The following CCDC186 variants were observed in gnomAD, a reference collection of about 807,000 sequenced individuals.
CCDC186 encodes the protein coiled-coil domain-containing protein 186.
CCDC186 carries 49 observed loss-of-function variants against 113.7 expected under a neutral mutation model. The ratio of observed to expected loss-of-function variants is 0.43; its 90% CI spans 0.34 to 0.55. The LOEUF (loss-of-function observed/expected upper bound fraction) is 0.55, where lower values mean the gene tolerates loss of function less well. Ranked by LOEUF, CCDC186 falls within the 20% of genes least tolerant of loss-of-function variation. The pLI, the probability that CCDC186 is intolerant of heterozygous loss-of-function variation, is 0.02. For missense variants in CCDC186, 890 were observed against 1,011.1 expected (o/e 0.88, Z 1.62); for synonymous variants, 355 against 345.8 (o/e 1.03, Z -0.30).
Position 114,125,047 on chromosome 10 carries a change from G to T in CCDC186, c.*96C>A. 1 of 847,178 alleles carries T rather than the reference G, an allele frequency of 1.2e-6. No homozygotes were observed. The highest frequency in any genetic ancestry group is 1.8e-6 in the Non-Finnish European group (1 of 551,128). 52.5% of individuals were successfully genotyped at this position (847,178 alleles called of 1,614,324 possible). ...ATGAAGCAAAACAATATTTTTACTG[G>T]CTGAAACAAAAAGTGGAACAAAGTC... On this transcript the variant is annotated 3_prime_UTR_variant, in exon 16 of 16. Coordinates refer to ENST00000369287, the MANE Select transcript of CCDC186 (RefSeq NM_018017.4).
chr10:114,135,864 T>C, intron 9 of CCDC186, 27 bp downstream of exon 9: 1 of 1,520,270 alleles, frequency 6.6e-7, no homozygotes, highest in Non-Finnish European at 9.1e-7. Context: ...ACCCTTCCTC[T>C]GGATTCATGA....
intron 10 of CCDC186, among the ~76,000 whole-genome samples, chr10:114,134,174 C>G (rs1209187955): frequency 6.6e-6 from 1 of 152,178 alleles, no homozygotes; most frequent in Admixed American, 6.5e-5. Context: ...CAACTGTCAC[C>G]TGACAGCTCC....
At position 114,145,576 on chromosome 10, in the gene CCDC186, T is replaced by A. The variant is rs1006840295; in HGVS notation, c.1074A>T (p.Gly358=). 6.2e-7 allele frequency: 1 copy of A among 1,611,006 alleles called. No individual in the cohort carries two copies. The highest frequency in any genetic ancestry group is 1.7e-5 in the Admixed American group (1 of 59,620). Reference sequence around the variant, plus strand: ...TAGTTTCATACAGCTGGTGCAACCGTCCTTTCTCCTGAGAAAGCTGCTTAA... The same window carrying A: ...TAGTTTCATACAGCTGGTGCAACCGACCTTTCTCCTGAGAAAGCTGCTTAA... ...NKIKQLSQEK[G]RLHQLYETKE... is the part of the protein sequence containing the mutation. Residue 358 remains glycine (G), a synonymous_variant, in exon 5 of 16, where the codon GGA becomes GGT. Coordinates refer to ENST00000369287, the MANE Select transcript of CCDC186 (RefSeq NM_018017.4).
At chr10:114,150,974 G>A in intron 4 of CCDC186, 118 bp downstream of exon 4, 2 of 1,188,944 alleles carry the variant, frequency 1.7e-6, no homozygotes. Context: ...TTATATAAAA[G>A]AATCACCTAG....
At chr10:114,165,847 C>G in intron 1 of CCDC186, 3 of 241,684 alleles carry the variant, frequency 1.2e-5, no homozygotes, top group Non-Finnish European at 1.4e-5. Context: ...GACACTTTGT[C>G]TCAAAAAAAA....
chr10:114,161,528 G>C (rs1435019252), intron 2 of CCDC186: 3 of 152,014 alleles, frequency 2.0e-5, no homozygotes, highest in South Asian at 2.1e-4. Flanking sequence ...TCAAGAGGAA[G>C]GTCTAAAAGA....
In CCDC186 at chr10:114,174,139, C is replaced by T; in HGVS notation, c.-186G>A. The T allele has an allele frequency of 2.1e-6, 1 of 471,478 alleles. No individual in the cohort carries two copies. Among genetic ancestry groups the T allele is most frequent in the South Asian group, 1.6e-5 (1 of 64,490 alleles). 29.2% of individuals were successfully genotyped at this position (471,478 alleles called of 1,614,324 possible). A position where few individuals can be genotyped will look rare whatever the true frequency, so the allele number is the denominator to read the frequency against. The stretch of plus-strand genomic sequence containing the variant: ...GAGGAAAAGACCGCGGTGAGAAACA[C>T]AGCCGACGCCTCACTCAGCGGCCGT... On this transcript the variant is annotated 5_prime_UTR_variant, in exon 1 of 16. The change creates a new upstream start codon in the 5' untranslated region. Coordinates refer to ENST00000369287, the MANE Select transcript of CCDC186 (RefSeq NM_018017.4).
In CCDC186 at chr10:114,122,955, A is replaced by C. The variant is rs1053576819; in HGVS notation, c.*2188T>G. The C allele has an allele frequency of 1.3e-5, 2 of 152,132 alleles. No homozygotes were observed. Among genetic ancestry groups the C allele is most frequent in the East Asian group, 3.8e-4 (2 of 5,196 alleles). The allele number at this position is 152,132 out of a possible 1,614,324, so 9.4% of individuals were successfully genotyped here. The stretch of plus-strand genomic sequence containing the variant: ...ATGGTAGCACAAATATTAATACTGG[A>C]GTGTGCATTTTTGTCTAAAATGTAT... On this transcript the variant is annotated 3_prime_UTR_variant, in exon 16 of 16. Transcript: ENST00000369287.
At chr10:114,173,324 A>T in intron 1 of CCDC186, 1 of 422,692 alleles carries the variant, frequency 2.4e-6, no homozygotes, top group Non-Finnish European at 4.8e-6. Flanking sequence ...ACAGCTAAGC[A>T]ATACTCACAC....
intron 12 of CCDC186, 27 bp downstream of exon 12, chr10:114,131,120 T>C (rs1589608738): frequency 7.2e-7 from 1 of 1,387,628 alleles, no homozygotes; most frequent in Non-Finnish European, 9.4e-7. Context: ...AACACATTCA[T>C]GGTCTAAGTG....
At chr10:114,139,355 G>C (rs1207068668) in intron 6 of CCDC186, among the ~76,000 whole-genome samples, 2 of 151,952 alleles carry the variant, frequency 1.3e-5, no homozygotes, top group African/African-American at 4.8e-5. Context: ...CTGAGGTCAG[G>C]AGTTGAAGAC....
intron 2 of CCDC186, among the ~76,000 whole-genome samples, chr10:114,159,831 G>A (rs1197092570): frequency 2.0e-5 from 3 of 151,898 alleles, no homozygotes; most frequent in Non-Finnish European, 4.4e-5. Context: ...GCCTAGTGGT[G>A]CGCACCTGTT....
At chr10:114,128,316 T>A (rs2030978883) in intron 13 of CCDC186, among the ~76,000 whole-genome samples, 1 of 152,232 alleles carries the variant, frequency 6.6e-6, no homozygotes, top group African/African-American at 2.4e-5. Context: ...GATTAGTTTT[T>A]TCCAATCCGA....
chr10:114,151,676 T>C (rs1021723944), intron 3 of CCDC186, among the ~76,000 whole-genome samples: 2 of 152,240 alleles, frequency 1.3e-5, no homozygotes, highest in African/African-American at 4.8e-5. Context: ...ATGTCTGCAT[T>C]GTACACACTA....
intron 4 of CCDC186, among the ~76,000 whole-genome samples, chr10:114,147,616 A>T (rs2031685330): frequency 6.6e-6 from 1 of 152,202 alleles, no homozygotes; most frequent in Non-Finnish European, 1.5e-5. Flanking sequence ...GGTATAGATT[A>T]GATCCTCAAA....
chr10:114,139,074 C>T lies in CCDC186; in HGVS notation c.1222-1784G>A, dbSNP rs192073087. On this transcript the variant is annotated intron_variant, in intron 6 of 15. Coordinates refer to ENST00000369287, the MANE Select transcript of CCDC186 (RefSeq NM_018017.4). The stretch of plus-strand genomic sequence containing the variant: ...AATACAGCATATAGCTTCTCGATAG[C>T]GACTAACTCAATACTTGCCACATAT... Among the ~76,000 whole-genome samples, 17 of 152,282 alleles carry T rather than the reference C, an allele frequency of 1.1e-4. 2 individuals are homozygous for T. Among genetic ancestry groups the T allele is most frequent in the South Asian group, 1.0e-3 (5 of 4,826 alleles).
chr10:114,162,414 C>A lies in CCDC186; in HGVS notation c.632+223G>T, dbSNP rs373104707. 1.5e-3 allele frequency: 483 copies of A among 332,878 alleles called. 1 individual carries two copies. Among genetic ancestry groups the A allele is most frequent in the Middle Eastern group, 0.011 (13 of 1,226 alleles). 20.6% of individuals were successfully genotyped at this position (332,878 alleles called of 1,614,324 possible). ...GAGTTGTCTATAAAAATTTCTAGCA[C>A]GTTAATACATTTACACTATTTAACA... On this transcript the variant is annotated intron_variant, in intron 2 of 15. Coordinates refer to ENST00000369287, the MANE Select transcript of CCDC186 (RefSeq NM_018017.4).
intron 1 of CCDC186, chr10:114,165,963 A>C: frequency 1.0e-6 from 1 of 983,346 alleles, no homozygotes; most frequent in Non-Finnish European, 1.2e-6. Flanking sequence ...TGAGTTTGTG[A>C]CTTCATTTTT....
intron 2 of CCDC186, among the ~76,000 whole-genome samples, chr10:114,159,624 G>A (rs967412295): frequency 7.7e-6 from 1 of 129,260 alleles, no homozygotes; most frequent in Non-Finnish European, 1.6e-5. Flanking sequence ...CTCAGTGACA[G>A]AGCGAGACTC....
Sources: allele counts gnomAD v4.1 joint callset (sites outside exome capture counted in the v4.1 genomes callset), GRCh38; gene constraint gnomAD v4.1.1; transcripts MANE v1.5; gene names NCBI Gene and HGNC (gene_info 2026-07-23, HGNC 2026-07-21).